The following XG variants were observed in gnomAD, a reference collection of about 807,000 sequenced individuals.
XG encodes Xg glycoprotein (Xg blood group).
In XG, 24 loss-of-function variants were observed where a neutral mutation model predicts 25.7. The ratio of observed to expected loss-of-function variants is 0.93; its 90% CI spans 0.68 to 1.31. XG has a LOEUF of 1.31. Ranked by LOEUF, XG falls within the 40% of genes most tolerant of loss-of-function variation. The pLI, the probability that XG is intolerant of heterozygous loss-of-function variation, is 0.00. For missense variants in XG, 181 were observed against 187.6 expected (o/e 0.96, Z 0.21); for synonymous variants, 77 against 69.2 (o/e 1.11, Z -0.56).
chrX:2,766,422 A>G (rs1424055179), intron 1 of XG, among the ~76,000 whole-genome samples: 1 of 151,426 alleles, frequency 6.6e-6, no homozygotes, highest in African/African-American at 2.4e-5. Flanking sequence ...TACAGGCGTG[A>G]GCCACCGCAC....
At chrX:2,766,292 C>T (rs1309084647) in intron 1 of XG, among the ~76,000 whole-genome samples, 1 of 152,092 alleles carries the variant, frequency 6.6e-6, no homozygotes, top group Non-Finnish European at 1.5e-5. Flanking sequence ...AGGCACGCAC[C>T]ACCACGCTCA....
At chrX:2,765,057 A>G (rs866579876) in intron 1 of XG, among the ~76,000 whole-genome samples, 73 of 136,018 alleles carry the variant, frequency 5.4e-4, no homozygotes, top group East Asian at 6.7e-4. Context: ...AAAAAAAAAA[A>G]AAAAAAAAGG....
At chrX:2,770,828 T>C (rs928011887) in intron 2 of XG, among the ~76,000 whole-genome samples, 2 of 152,120 alleles carry the variant, frequency 1.3e-5, no homozygotes, top group Admixed American at 6.5e-5. Context: ...AGGAATATGC[T>C]AGTATTTTAT....
chrX:2,798,890 T>C (rs867919590), intron 7 of XG, among the ~76,000 whole-genome samples: 1 of 97,669 alleles, frequency 1.0e-5, no homozygotes, highest in African/African-American at 4.4e-5. Context: ...TTTTCTTTCT[T>C]TTTTTTTTTT....
intron 1 of XG, among the ~76,000 whole-genome samples, chrX:2,761,567 G>A (rs766832265): frequency 6.6e-6 from 1 of 152,056 alleles, no homozygotes; most frequent in African/African-American, 2.4e-5. Flanking sequence ...CAGGACAGAG[G>A]CCTCAGGAGG....
intron 1 of XG, among the ~76,000 whole-genome samples, chrX:2,754,574 G>T (rs184363000): frequency 0.016 from 2,380 of 152,128 alleles, 88 homozygotes; most frequent in Admixed American, 0.085. Flanking sequence ...AATATATATA[G>T]AGAGAGGAGT....
intron 5 of XG, 132 bp from the exon 6 acceptor site, chrX:2,794,403 C>T (rs759203601): frequency 5.6e-5 from 38 of 672,609 alleles, no homozygotes; most frequent in East Asian, 7.8e-5. Flanking sequence ...TGCCTGTGGG[C>T]GTCCTGCAAA....
chrX:2,810,475 T>C (rs12010750), intron 9 of XG, among the ~76,000 whole-genome samples: 16,106 of 109,924 alleles, frequency 0.15, 1,289 homozygotes, highest in African/African-American at 0.3. Context: ...TATTTTTGCA[T>C]GAGTGGGCAT....
intron 1 of XG, among the ~76,000 whole-genome samples, chrX:2,765,374 G>GA: frequency 9.1e-6 from 1 of 109,804 alleles, no homozygotes. Flanking sequence ...AAGAGGGAGG[G>GA]AGGGAAGGAA....
At chrX:2,775,697 T>TTTGGCTGGCTG (rs2124469038) in intron 3 of XG, among the ~76,000 whole-genome samples, 1 of 152,266 alleles carries the variant, frequency 6.6e-6, no homozygotes, top group Non-Finnish European at 1.5e-5. Flanking sequence ...GGCTCACACC[T>TTTGGCTGGCTG]GTAATCCCAG....
At chrX:2,811,193 T>C (rs777085542) in intron 9 of XG, 143 bp from the exon 10 acceptor site, 1 of 399,967 alleles carries the variant, frequency 2.5e-6, no homozygotes, top group Non-Finnish European at 4.4e-6. Context: ...AGTTACTAGA[T>C]AGATGCAAAA....
chrX:2,762,115 C>T (rs143866228), intron 1 of XG, among the ~76,000 whole-genome samples: 42 of 152,242 alleles, frequency 2.8e-4, no homozygotes, highest in African/African-American at 9.4e-4. Context: ...TATAACACAC[C>T]GTCAACCAGT....
rs2087097110 is a variant in XG, at chrX:2,815,636, T to C, written c.*1256T>C. On this transcript the variant is annotated 3_prime_UTR_variant, in exon 11 of 11. Coordinates refer to ENST00000644266, the MANE Select transcript of XG (RefSeq NM_001141919.2). ...ATGCATCATTTGTGCAGTTTGAAGA[T>C]AGTCCATATTTCCTATTTCAGTATT... is the stretch of plus-strand genomic sequence containing the variant. The C allele has an allele frequency of 1.8e-5, 2 of 111,302 alleles. No individual in the cohort carries two copies. Among genetic ancestry groups the C allele is most frequent in the South Asian group, 7.7e-4 (2 of 2,588 alleles). 9.2% of individuals were successfully genotyped at this position (111,302 alleles called of 1,213,427 possible).
intron 2 of XG, among the ~76,000 whole-genome samples, chrX:2,773,573 A>G: frequency 1.2e-5 from 1 of 86,408 alleles, no homozygotes; most frequent in Non-Finnish European, 2.4e-5. Flanking sequence ...GAGAGAAGGA[A>G]GGAAGGAGAG....
intron 1 of XG, among the ~76,000 whole-genome samples, chrX:2,765,445 C>T (rs1445057594): frequency 1.4e-5 from 2 of 146,302 alleles, no homozygotes; most frequent in African/African-American, 5.0e-5. Flanking sequence ...TTTGTTTCAC[C>T]AGGGCACGCA....
intron 4 of XG, among the ~76,000 whole-genome samples, 172 bp from the exon 5 acceptor site, chrX:2,789,472 T>C (rs2086816171): frequency 1.1e-5 from 1 of 89,532 alleles, no homozygotes; most frequent in Non-Finnish European, 2.3e-5. Flanking sequence ...GTTTTTGTTT[T>C]TTCATTGTAA....
chrX:2,803,136 G>A (rs942592667), intron 7 of XG, among the ~76,000 whole-genome samples: 2 of 111,787 alleles, frequency 1.8e-5, no homozygotes, highest in African/African-American at 3.3e-5. Flanking sequence ...GCCACTGGGA[G>A]TAGTTTTTTA....
chrX:2,799,155 C>T (rs2086912669), intron 7 of XG, among the ~76,000 whole-genome samples: 1 of 110,580 alleles, frequency 9.0e-6, no homozygotes, highest in South Asian at 3.9e-4. Flanking sequence ...AATTGTTTGT[C>T]ACCGGGGTTT....
intron 1 of XG, among the ~76,000 whole-genome samples, chrX:2,766,557 CTTTTTTTTT>C (rs1177391752): frequency 1.1e-5 from 1 of 90,170 alleles, no homozygotes; most frequent in African/African-American, 4.7e-5. Context: ...CTTATGGCCA[CTTTTTTTTT>C]TTTTTTTTTT....
Sources: gnomAD v4.1 joint callset for allele counts (sites outside exome capture counted in the v4.1 genomes callset) on GRCh38, gnomAD v4.1.1 for gene constraint, MANE v1.5 for transcripts, NCBI Gene and HGNC (gene_info 2026-07-23, HGNC 2026-07-21) for gene names.